Variants in EMC1 observed in about 807,000 individuals in gnomAD.
EMC1 encodes ER membrane protein complex subunit 1.
Under a neutral mutation model 128.8 loss-of-function variants are expected in EMC1, and 103 were observed. That is an observed-to-expected ratio of 0.80 (90% CI 0.68 to 0.94). EMC1 has a LOEUF of 0.94. Among genes scored for constraint, EMC1 ranks in the 40% least tolerant of loss-of-function variants. The pLI is 0.00. For missense variants in EMC1, 1,083 were observed against 1,250.6 expected (o/e 0.87, Z 2.02); for synonymous variants, 442 against 490.4 (o/e 0.90, Z 1.30).
At position 19,220,863 on chromosome 1, in the gene EMC1, G is replaced by A. The variant is rs564426921; in HGVS notation, c.2588-15C>T. 43 of 1,590,804 alleles carry A rather than the reference G, an allele frequency of 2.7e-5. No individual in the cohort carries two copies. In the South Asian group the frequency reaches 4.5e-4, roughly 17 times the overall value. ...AGGTAGTCCAACTACACAGGAGGAA[G>A]TGAATGTTCACACCGATCCAGTGTC... is the stretch of plus-strand genomic sequence containing the variant. On this transcript the variant is annotated splice_polypyrimidine_tract_variant and intron_variant, in intron 20 of 22. Transcript: ENST00000477853.
At position 19,250,048 on chromosome 1, in the gene EMC1, T is replaced by C. The variant is rs532430132; in HGVS notation, c.95+1367A>G. On this transcript the variant is annotated intron_variant, in intron 1 of 22. Coordinates refer to ENST00000477853, the MANE Select transcript of EMC1 (RefSeq NM_015047.3). ...GCCTGACCAACATGGAGAAACCCTG[T>C]CTCTACCAAAAATACAAAAATTAGC... is the stretch of plus-strand genomic sequence containing the variant. Among the ~76,000 whole-genome samples the C allele has an allele frequency of 4.0e-5, 6 of 151,694 alleles. No homozygotes were observed. In the East Asian group the frequency reaches 1.2e-3, roughly 30 times the overall value.
At chr1:19,225,273 T>C (rs2093463916) in intron 18 of EMC1, among the ~76,000 whole-genome samples, 1 of 152,088 alleles carries the variant, frequency 6.6e-6, no homozygotes, top group South Asian at 2.1e-4. Flanking sequence ...TCCTAACACT[T>C]TGGGAGGCCA....
Position 19,227,335 on chromosome 1 carries a change from C to T in EMC1, c.2180G>A (p.Gly727Glu). The T allele has an allele frequency of 1.2e-6, 2 of 1,614,146 alleles. No homozygotes were observed. The highest frequency in any genetic ancestry group is 1.7e-6 in the Non-Finnish European group (2 of 1,180,008). The change falls in exon 18 of 23, where the codon GGG becomes GAG. Residue 727 changes from glycine to glutamate, a missense_variant. By Grantham distance (98) the Gly-to-Glu change is moderately conservative (BLOSUM62 -2). Around this residue, in one of 3 missense-constraint regions of EMC1, gnomAD observed 527 missense variants for 644.1 expected, o/e 0.82. Transcript: ENST00000477853. Reference protein sequence around the residue: ...EHVHSQGRVMGDRSVLYKSLN... With the variant: ...EHVHSQGRVMEDRSVLYKSLN... ...TACCTTGTAGAGCACACTGCGGTCC[C>T]CCATCACACGGCCCTGGGAATGAAC... is the stretch of plus-strand genomic sequence containing the variant.
At chr1:19,234,318 T>G in intron 13 of EMC1, 1 of 243,620 alleles carries the variant, frequency 4.1e-6, no homozygotes, top group Non-Finnish European at 6.6e-6. Flanking sequence ...GCTGGATGAA[T>G]GGAGAGAAGA....
chr1:19,225,768 G>A (rs947392047), intron 18 of EMC1, among the ~76,000 whole-genome samples: 3 of 150,842 alleles, frequency 2.0e-5, no homozygotes, highest in African/African-American at 4.9e-5. Context: ...GCAGTGAGCT[G>A]TGATCACACC....
At position 19,219,410 on chromosome 1, in the gene EMC1, C is replaced by T; in HGVS notation, c.2875G>A (p.Asp959Asn). 6.2e-7 allele frequency: 1 copy of T among 1,614,048 alleles called. No homozygotes were observed. Among genetic ancestry groups the T allele is most frequent in the Non-Finnish European group, 8.5e-7 (1 of 1,180,032 alleles). ...PSKQFDVLKD[D>N]YDYVLISSVL... ...CTGCTGATTAACACGTAGTCATAGTCATCCTTCAGAACGTCAAACTGCTTG... is the reference window on the plus strand; with the variant it reads ...CTGCTGATTAACACGTAGTCATAGTTATCCTTCAGAACGTCAAACTGCTTG... The change falls in exon 23 of 23, where the codon GAC becomes AAC. Residue 959 changes from aspartate to asparagine, a missense_variant. This residue lies in a region of EMC1 where 527 missense variants were observed against 644.1 expected (regional missense o/e 0.82). Coordinates refer to ENST00000477853, the MANE Select transcript of EMC1 (RefSeq NM_015047.3).
Position 19,238,842 on chromosome 1 carries a change from A to G in EMC1, c.1042T>C (p.Ser348Pro). The G allele has an allele frequency of 6.2e-7, 1 of 1,610,334 alleles. No individual in the cohort carries two copies. The highest frequency in any genetic ancestry group is 8.5e-7 in the Non-Finnish European group (1 of 1,176,650). ...AAGCTCCCCATTGACCCATCTTCAG[A>G]ACTGCTACTTTTCTGCTATGAGAAA... The part of the protein sequence containing the change: ...CRNEVQKSSS[S>P]EDGSMGSFSE... The change falls in exon 10 of 23, where the codon TCT becomes CCT. Residue 348 changes from serine (S) to proline (P), a missense_variant. Ser to Pro is a moderately conservative substitution (Grantham distance 74). Transcript: ENST00000477853.
rs774681453 is a variant in EMC1 at position 19,251,487 on chromosome 1, C to G, written c.23G>C (p.Arg8Pro). MAAEWASRFWLWATLLIP... is the reference protein window; with the variant it reads MAAEWASPFWLWATLLIP... Reference sequence around the variant, plus strand: ...CAGCAGCGTAGCCCAAAGCCAGAAACGAGAAGCCCACTCAGCCGCCATGAT... The same window carrying G: ...CAGCAGCGTAGCCCAAAGCCAGAAAGGAGAAGCCCACTCAGCCGCCATGAT... Residue 8 changes from arginine (R) to proline (P), a missense_variant, in exon 1 of 23, where the codon CGT (arginine) becomes CCT (proline). Arg to Pro is a moderately radical substitution (Grantham distance 103, BLOSUM62 -2). Coordinates refer to ENST00000477853, the MANE Select transcript of EMC1 (RefSeq NM_015047.3). 3.1e-6 allele frequency: 5 copies of G among 1,614,040 alleles called. No individual in the cohort carries two copies. Among genetic ancestry groups the G allele is most frequent in the African/African-American group, 2.7e-5 (2 of 74,954 alleles).
rs1572028434 is a variant in EMC1, at chr1:19,243,703, C to A, written c.291G>T (p.Val97=). The A allele has an allele frequency of 7.4e-6, 12 of 1,614,122 alleles. No homozygotes were observed. The highest frequency in any genetic ancestry group is 9.3e-6 in the Non-Finnish European group (11 of 1,179,964). ...TTCGGCCTCCATTGGACACAGTGAT[C>A]ACATCTGGAAAAGAAAAGATCGTGG... ...VDAMLLHGQD[V]ITVSNGGRIM... The change falls in exon 4 of 23, where the codon GTG becomes GTT. Residue 97 remains valine (V), a synonymous_variant. Transcript: ENST00000477853.
rs1417370379 is a variant in EMC1 at position 19,216,259 on chromosome 1, G to GTGAA, written c.*3040_*3043dup. The GTGAA allele has an allele frequency of 7.2e-6, 1 of 138,852 alleles. No individual in the cohort carries two copies. Among genetic ancestry groups the GTGAA allele is most frequent in the African/African-American group, 2.6e-5 (1 of 37,986 alleles). The allele number at this position is 138,852 out of a possible 1,614,324, so 8.6% of individuals were successfully genotyped here. A position where few individuals can be genotyped will look rare whatever the true frequency, so the allele number is the denominator to read the frequency against. On this transcript the variant is annotated 3_prime_UTR_variant, in exon 23 of 23. Transcript: ENST00000477853. ...AAAAAAAAAGCAATTTATAAAGGCAGTGAAATTACAATTATGAAATTTTCA... is the reference window on the plus strand; with the variant it reads ...AAAAAAAAAGCAATTTATAAAGGCAGTGAATGAAATTACAATTATGAAATTTTCA...
rs897955361 is a variant in EMC1 at position 19,239,314 on chromosome 1, G to A, written c.955-12C>T. On this transcript the variant is annotated splice_polypyrimidine_tract_variant and intron_variant, in intron 8 of 22. Transcript: ENST00000477853. The stretch of plus-strand genomic sequence containing the variant: ...CTCACTAGGGCAGTCTGGGGGAAAA[G>A]CAAGGCATCAGCTCCTAAATGGGAC... 1 of 1,613,612 alleles carries A rather than the reference G, an allele frequency of 6.2e-7. No individual in the cohort carries two copies.
At position 19,219,612 on chromosome 1, in the gene EMC1, C is replaced by T. The variant is rs562770564; in HGVS notation, c.2759G>A (p.Arg920Gln). The change falls in exon 22 of 23, where the codon CGA (arginine) becomes CAA (glutamine). Residue 920 changes from arginine (R) to glutamine (Q), a missense_variant. Physicochemically the swap from Arg to Gln is conservative, Grantham distance 43 (BLOSUM62 1). This residue lies in a region of EMC1 where 527 missense variants were observed against 644.1 expected (regional missense o/e 0.82). Transcript: ENST00000477853. ...INYNQTVSRMRGIYTAPSGLE... is the reference protein window; with the variant it reads ...INYNQTVSRMQGIYTAPSGLE... ...ACCCGAGGGAGCTGTGTAGATACCTCGCATTCGAGAAACTGTCTGGTTATA... is the reference window on the plus strand; with the variant it reads ...ACCCGAGGGAGCTGTGTAGATACCTTGCATTCGAGAAACTGTCTGGTTATA... 11 of 1,613,122 alleles carry T rather than the reference C, an allele frequency of 6.8e-6. No individual in the cohort carries two copies. Among genetic ancestry groups the T allele is most frequent in the Admixed American group, 3.3e-5 (2 of 59,914 alleles).
rs148296644 is a variant in EMC1 at position 19,218,719 on chromosome 1, A to T, written c.*584T>A. ...TTTAAAGTAAGTTTTGACATCACATATAGATCCCTCAACCCTAAGTTACTT... is the reference window on the plus strand; with the variant it reads ...TTTAAAGTAAGTTTTGACATCACATTTAGATCCCTCAACCCTAAGTTACTT... On this transcript the variant is annotated 3_prime_UTR_variant, in exon 23 of 23. Transcript: ENST00000477853. 1.3e-5 allele frequency: 2 copies of T among 152,998 alleles called. No individual in the cohort carries two copies. Among genetic ancestry groups the T allele is most frequent in the Non-Finnish European group, 2.9e-5 (2 of 68,636 alleles). The allele number at this position is 152,998 out of a possible 1,614,324, so 9.5% of individuals were successfully genotyped here. A position where few individuals can be genotyped will look rare whatever the true frequency, so the allele number is the denominator to read the frequency against.
intron 10 of EMC1, 52 bp from the exon 11 acceptor site, chr1:19,238,191 C>T (rs1467035590): frequency 1.3e-6 from 2 of 1,597,002 alleles, no homozygotes; most frequent in Non-Finnish European, 8.5e-7. Flanking sequence ...GAAAGCAAAG[C>T]CCACCAAAGG....
intron 12 of EMC1, among the ~76,000 whole-genome samples, chr1:19,236,659 C>CAAA (rs34407393): frequency 9.9e-6 from 1 of 100,712 alleles, no homozygotes; most frequent in African/African-American, 3.5e-5. Context: ...AACTCCGTCT[C>CAAA]AAAAAAAAAA....
intron 1 of EMC1, among the ~76,000 whole-genome samples, chr1:19,246,450 T>C (rs970150011): frequency 6.6e-6 from 1 of 152,024 alleles, no homozygotes; most frequent in Non-Finnish European, 1.5e-5. Context: ...TGCCTCCTTA[T>C]TACAGAAAAT....
chr1:19,219,988 C>A, intron 21 of EMC1: 1 of 375,160 alleles, frequency 2.7e-6, no homozygotes, highest in Non-Finnish European at 4.9e-6. Context: ...GGAAAGCCGA[C>A]CATTTTAAAG....
At chr1:19,231,507 C>A in intron 15 of EMC1, 85 bp from the exon 16 acceptor site, 1 of 1,399,990 alleles carries the variant, frequency 7.1e-7, no homozygotes, top group Non-Finnish European at 9.7e-7. Context: ...GACTCCAGCT[C>A]AACAACTGTG....
chr1:19,219,510 G>C, intron 22 of EMC1, 28 bp from the exon 23 acceptor site: 1 of 1,613,912 alleles, frequency 6.2e-7, no homozygotes, highest in Non-Finnish European at 8.5e-7. Flanking sequence ...TAAGAATTAG[G>C]AAAGAAACAA....
Sources: gnomAD v4.1 joint callset for allele counts (sites outside exome capture counted in the v4.1 genomes callset) on GRCh38, gnomAD v4.1.1 for gene constraint, gnomAD v4.1.1 regional missense constraint, MANE v1.5 for transcripts, NCBI Gene and HGNC (gene_info 2026-07-23, HGNC 2026-07-21) for gene names.